CKAP5: variants seen among roughly 807,000 people sequenced by gnomAD.
The protein encoded by CKAP5 is cytoskeleton-associated protein 5.
Under a neutral mutation model 232.8 loss-of-function variants are expected in CKAP5, and 27 were observed. The observed-to-expected ratio is 0.12, with a 90% confidence interval of 0.09 to 0.16. The LOEUF (loss-of-function observed/expected upper bound fraction) is 0.16. CKAP5 is among the 10% of genes least tolerant of loss of function. CKAP5 has a pLI of 1.00. For synonymous variants in CKAP5, 785 were observed against 841.1 expected, an observed-to-expected ratio of 0.93 and a Z score of 1.16; for missense variants, 1,838 against 2,424.7, an observed-to-expected ratio of 0.76 and a Z score of 5.08.
At chr11:46,789,830 A>C (rs1396844297) in intron 15 of CKAP5, among the ~76,000 whole-genome samples, 2 of 152,182 alleles carry the variant, frequency 1.3e-5, no homozygotes, top group Non-Finnish European at 2.9e-5. Context: ...CTTATAATTC[A>C]GAATAAGAAT....
chr11:46,784,554 C>G lies in CKAP5; in HGVS notation c.2088G>C (p.Gly696=). The G allele has an allele frequency of 6.2e-7, 1 of 1,614,026 alleles. No homozygotes were observed. Among genetic ancestry groups the G allele is most frequent in the Non-Finnish European group, 8.5e-7 (1 of 1,179,958 alleles). Residue 696 remains glycine, a synonymous_variant, in exon 17 of 44, where the codon GGG becomes GGC. Transcript: ENST00000529230. ...CTGTCATAGCTTCTTTTGCATTGTT[C>G]CCACATTTCACATCTCCAATCTTGT... The part of the protein sequence containing the change: ...LVDKIGDVKC[G]NNAKEAMTAI...
chr11:46,754,008 T>C (rs185634689), intron 36 of CKAP5, among the ~76,000 whole-genome samples: 13 of 151,810 alleles, frequency 8.6e-5, no homozygotes, highest in Admixed American at 4.6e-4. Flanking sequence ...AATTTTTTGT[T>C]TTTTTTTTGA....
intron 27 of CKAP5, among the ~76,000 whole-genome samples, 193 bp downstream of exon 27, chr11:46,767,382 C>A (rs1200540828): frequency 6.6e-6 from 1 of 152,160 alleles, no homozygotes; most frequent in Non-Finnish European, 1.5e-5. Flanking sequence ...GATGACAGCA[C>A]CTCTTGAGAG....
At chr11:46,829,829 CTT>C (rs777216381) in intron 1 of CKAP5, among the ~76,000 whole-genome samples, 21 of 128,026 alleles carry the variant, frequency 1.6e-4, no homozygotes, top group Admixed American at 4.3e-4. Flanking sequence ...AGTCTAATTC[CTT>C]TTTTGTATGT....
intron 8 of CKAP5, among the ~76,000 whole-genome samples, chr11:46,806,476 T>A (rs975579069): frequency 6.6e-6 from 1 of 152,210 alleles, no homozygotes; most frequent in Non-Finnish European, 1.5e-5. Flanking sequence ...ACTTTCCTTG[T>A]CTCAGTGCCC....
chr11:46,772,962 G>A (rs1460189410), intron 24 of CKAP5, among the ~76,000 whole-genome samples: 2 of 152,050 alleles, frequency 1.3e-5, no homozygotes, highest in Non-Finnish European at 2.9e-5. Flanking sequence ...GGATGGTCTC[G>A]ATCTCTTGAC....
chr11:46,783,293 T>C lies in CKAP5; in HGVS notation c.2230A>G (p.Lys744Glu). The change falls in exon 18 of 44, where the codon AAA (lysine) becomes GAA (glutamate). Residue 744 changes from lysine to glutamate, a missense_variant. Physicochemically the swap from Lys to Glu is moderately conservative, Grantham distance 56. Around this residue, in one of 6 missense-constraint regions of CKAP5, gnomAD observed 767 missense variants for 954.6 expected, o/e 0.80. Coordinates refer to ENST00000529230, the MANE Select transcript of CKAP5 (RefSeq NM_001008938.4). ...ACTTACCCAGAAAAACCAAATTCTT[T>C]TATGGCATTTGATAGCCAATTCAGA... is the stretch of plus-strand genomic sequence containing the variant. ...ETLNWLSNAI[K>E]EFGFSGLNVK... 1.2e-6 allele frequency: 2 copies of C among 1,610,188 alleles called. No individual in the cohort carries two copies. Among genetic ancestry groups the C allele is most frequent in the South Asian group, 2.2e-5 (2 of 90,532 alleles).
intron 21 of CKAP5, 55 bp from the exon 22 acceptor site, chr11:46,778,368 C>T (rs1443422164): frequency 1.2e-5 from 20 of 1,600,008 alleles, no homozygotes; most frequent in East Asian, 6.7e-5. Context: ...GATGATATCA[C>T]GTTAAGTTCC....
intron 8 of CKAP5, among the ~76,000 whole-genome samples, chr11:46,803,166 A>T (rs1939073902): frequency 6.6e-6 from 1 of 152,012 alleles, no homozygotes; most frequent in Non-Finnish European, 1.5e-5. Context: ...CAGGAGGCTG[A>T]GGTAGGAGAA....
intron 22 of CKAP5, 42 bp from the exon 23 acceptor site, chr11:46,777,594 A>G: frequency 7.2e-7 from 1 of 1,383,068 alleles, no homozygotes; most frequent in South Asian, 1.2e-5. Context: ...AACGATAAGC[A>G]AGTTGTGTGC....
intron 1 of CKAP5, among the ~76,000 whole-genome samples, chr11:46,829,269 A>G (rs1939722260): frequency 2.0e-5 from 3 of 152,196 alleles, no homozygotes; most frequent in Non-Finnish European, 1.5e-5. Flanking sequence ...GACAAGGATG[A>G]AGACCTTTAT....
In CKAP5 at chr11:46,814,687, T is replaced by G. The variant is rs149937114; in HGVS notation, c.458+1511A>C. Among the ~76,000 whole-genome samples the G allele has an allele frequency of 2.8e-3, 421 of 152,320 alleles. 2 individuals carry two copies. Among genetic ancestry groups the G allele is most frequent in the African/African-American group, 9.6e-3 (399 of 41,560 alleles). On this transcript the variant is annotated intron_variant, in intron 4 of 43. Transcript: ENST00000529230. ...ATTCAGATTTCCATAGCAAATTACA[T>G]CCACTTGTTCCTGAAAGAGATCCTA...
intron 38 of CKAP5, 45 bp downstream of exon 38, chr11:46,752,590 G>T: frequency 1.4e-6 from 2 of 1,460,724 alleles, no homozygotes; most frequent in South Asian, 2.3e-5. Context: ...TTAACAAAGT[G>T]ATTGCATCTT....
rs1374999712 is a variant in CKAP5 at position 46,753,592 on chromosome 11, G to T, written c.4870-95C>A. Reference sequence around the variant, plus strand: ...ATTCTGATAAATATTCAATTATGTTGTATTTTTTTTTTGAGACGGAGTCTC... The same window carrying T: ...ATTCTGATAAATATTCAATTATGTTTTATTTTTTTTTTGAGACGGAGTCTC... On this transcript the variant is annotated intron_variant, in intron 36 of 43. Coordinates refer to ENST00000529230, the MANE Select transcript of CKAP5 (RefSeq NM_001008938.4). 11 of 997,622 alleles carry T rather than the reference G, an allele frequency of 1.1e-5. No individual in the cohort carries two copies. In the East Asian group the frequency reaches 2.7e-4, roughly 24 times the overall value. The allele number at this position is 997,622 out of a possible 1,614,324, so 61.8% of individuals were successfully genotyped here.
rs1185651185 is a variant in CKAP5 at position 46,743,297 on chromosome 11, A to C, written c.*726T>G. 2.0e-5 allele frequency: 3 copies of C among 152,124 alleles called. No homozygotes were observed. Among genetic ancestry groups the C allele is most frequent in the Non-Finnish European group, 4.4e-5 (3 of 68,020 alleles). 9.4% of individuals were successfully genotyped at this position (152,124 alleles called of 1,614,324 possible). ...ATAATTGGAGGGAAATCATGACCAAAATCTCAAAACAAGGAAGGATGAGAT... is the reference window on the plus strand; with the variant it reads ...ATAATTGGAGGGAAATCATGACCAACATCTCAAAACAAGGAAGGATGAGAT... On this transcript the variant is annotated 3_prime_UTR_variant, in exon 44 of 44. Coordinates refer to ENST00000529230, the MANE Select transcript of CKAP5 (RefSeq NM_001008938.4).
intron 1 of CKAP5, among the ~76,000 whole-genome samples, chr11:46,837,761 T>C (rs1939949741): frequency 1.3e-5 from 2 of 152,288 alleles, no homozygotes; most frequent in Admixed American, 6.5e-5. Context: ...TAATGTAATA[T>C]TGGAGTGTAA....
At chr11:46,765,343 G>C in intron 27 of CKAP5, 87 bp from the exon 28 acceptor site, 1 of 1,113,878 alleles carries the variant, frequency 9.0e-7, no homozygotes. Flanking sequence ...GGGCACTGTA[G>C]AAAACAGAGA....
intron 13 of CKAP5, among the ~76,000 whole-genome samples, chr11:46,791,639 A>C (rs1446750944): frequency 6.6e-6 from 1 of 152,052 alleles, no homozygotes; most frequent in Admixed American, 6.6e-5. Flanking sequence ...ATGTCACTAT[A>C]CTCTGGCTTG....
In CKAP5 at chr11:46,778,201, G is replaced by A. The variant is rs780474799; in HGVS notation, c.2686C>T (p.Pro896Ser). 6.2e-7 allele frequency: 1 copy of A among 1,614,024 alleles called. No individual in the cohort carries two copies. The highest frequency in any genetic ancestry group is 8.5e-7 in the Non-Finnish European group (1 of 1,179,974). ...GIINDAKFIQ[P>S]NIGELPTALK... ...GCAGTTGGAAGTTCACCTATATTCGGTTGGATAAATTTTGCGTCATTAATA... is the reference window on the plus strand; with the variant it reads ...GCAGTTGGAAGTTCACCTATATTCGATTGGATAAATTTTGCGTCATTAATA... Residue 896 changes from proline (P) to serine (S), a missense_variant, in exon 22 of 44, where the codon CCG becomes TCG. Around this residue, in one of 6 missense-constraint regions of CKAP5, gnomAD observed 767 missense variants for 954.6 expected, o/e 0.80. Transcript: ENST00000529230.
Sources: gnomAD v4.1 joint callset for allele counts (sites outside exome capture counted in the v4.1 genomes callset) on GRCh38, gnomAD v4.1.1 for gene constraint, gnomAD v4.1.1 regional missense constraint, MANE v1.5 for transcripts, NCBI Gene and HGNC (gene_info 2026-07-23, HGNC 2026-07-21) for gene names.